The following CAMKK2 variants were observed in gnomAD, a reference collection of about 807,000 sequenced individuals.
CAMKK2 encodes the protein calcium/calmodulin-dependent protein kinase kinase 2.
In CAMKK2, 30 loss-of-function variants were observed where a neutral mutation model predicts 67.2. The ratio of observed to expected loss-of-function variants is 0.45; its 90% confidence interval spans 0.33 to 0.61. The LOEUF (loss-of-function observed/expected upper bound fraction) is 0.61, where lower values mean the gene tolerates loss of function less well. Among genes scored for constraint, CAMKK2 ranks in the 20% least tolerant of loss-of-function variants. The pLI is 0.02. For missense variants in CAMKK2, 643 were observed against 802.0 expected, an observed-to-expected ratio of 0.80 and a Z score of 2.39; for synonymous variants, 322 against 326.2, an observed-to-expected ratio of 0.99 and a Z score of 0.14.
intron 13 of CAMKK2, 50 bp downstream of exon 13, chr12:121,249,737 G>T (rs1232427843): frequency 2.0e-6 from 3 of 1,503,472 alleles, no homozygotes; most frequent in African/African-American, 2.8e-5. Context: ...GCTGAGGCAT[G>T]GCTGAGCCAA....
At chr12:121,254,781 C>T (rs904468359) in intron 9 of CAMKK2, among the ~76,000 whole-genome samples, 1 of 152,182 alleles carries the variant, frequency 6.6e-6, no homozygotes, top group African/African-American at 2.4e-5. Context: ...TAGGGTGGCT[C>T]TCTGCAGCTG....
Position 121,274,332 on chromosome 12 carries a change from G to T in CAMKK2, c.195C>A (p.Asp65Glu), listed in dbSNP as rs201270246. ...VTECEPGCAV[D>E]LGLARDRPLE... ...GGGGCCGGTCCCGCGCCAAGCCGAG[G>T]TCCACAGCACAGCCCGGCTCACACT... is the stretch of plus-strand genomic sequence containing the variant. Residue 65 changes from aspartate (D) to glutamate (E), a missense_variant, in exon 2 of 17, where the codon GAC (aspartate) becomes GAA (glutamate). This residue lies in a region of CAMKK2 where 483 missense variants were observed against 625.8 expected (regional missense o/e 0.77). Coordinates refer to ENST00000404169, the MANE Select transcript of CAMKK2 (RefSeq NM_001270485.2). The T allele has an allele frequency of 2.5e-6, 4 of 1,613,470 alleles. No individual in the cohort carries two copies. Among genetic ancestry groups the T allele is most frequent in the Non-Finnish European group, 3.4e-6 (4 of 1,179,878 alleles).
At chr12:121,290,495 C>T (rs1738518109) in intron 1 of CAMKK2, among the ~76,000 whole-genome samples, 1 of 152,044 alleles carries the variant, frequency 6.6e-6, no homozygotes. Flanking sequence ...TCAGACTAGC[C>T]TGGGCAACAA....
chr12:121,277,017 G>A lies in CAMKK2; in HGVS notation c.-59-2432C>T, dbSNP rs192248259. On this transcript the variant is annotated intron_variant, in intron 1 of 16. Transcript: ENST00000404169. ...TGGGAGGTAGTGGGGTAAAAGAGAG[G>A]AAGGTACAGACAGCGGAAAGCCAGA... Among the ~76,000 whole-genome samples the A allele has an allele frequency of 9.9e-5, 15 of 152,180 alleles. No individual in the cohort carries two copies. The East Asian group carries it at 2.9e-3, about 29-fold the overall frequency.
Position 121,264,786 on chromosome 12 carries a change from A to C in CAMKK2, c.626-847T>G, listed in dbSNP as rs991792906. 1.5e-5 allele frequency among the ~76,000 whole-genome samples: 2 copies of C among 136,162 alleles called. 1 individual carries two copies. Among genetic ancestry groups the C allele is most frequent in the Non-Finnish European group, 3.3e-5 (2 of 60,466 alleles). The allele number at this position is 136,162 out of a possible 152,430, so 89.3% of individuals were successfully genotyped here. A position where few individuals can be genotyped will look rare whatever the true frequency, so the allele number is the denominator to read the frequency against. ...AAGACTCAGTCTCAAAAATAATAAT[A>C]ATAATAATAATAATAATAATAATAA... On this transcript the variant is annotated intron_variant, in intron 5 of 16. Transcript: ENST00000404169.
At chr12:121,256,864 G>A (rs1006714185) in intron 7 of CAMKK2, among the ~76,000 whole-genome samples, 9 of 152,156 alleles carry the variant, frequency 5.9e-5, no homozygotes, top group Non-Finnish European at 1.2e-4. Flanking sequence ...TGCAATGAAC[G>A]TTCGTGTACA....
intron 5 of CAMKK2, among the ~76,000 whole-genome samples, chr12:121,266,168 A>C (rs1331880032): frequency 6.6e-6 from 1 of 152,196 alleles, no homozygotes; most frequent in Non-Finnish European, 1.5e-5. Context: ...CCTGGGCTCA[A>C]GTGATTTGCC....
chr12:121,284,232 G>A (rs1898307042), intron 1 of CAMKK2, among the ~76,000 whole-genome samples: 1 of 152,274 alleles, frequency 6.6e-6, no homozygotes, highest in Admixed American at 6.5e-5. Context: ...TGAAGGTTCA[G>A]AAGGATTTAC....
At position 121,269,580 on chromosome 12, in the gene CAMKK2, C is replaced by A. The variant is rs768480475; in HGVS notation, c.521G>T (p.Gly174Val). 2 of 1,605,898 alleles carry A rather than the reference C, an allele frequency of 1.2e-6. No homozygotes were observed. The highest frequency in any genetic ancestry group is 1.7e-5 in the Admixed American group (1 of 59,026). Residue 174 changes from glycine to valine, a missense_variant and splice_region_variant, in exon 4 of 17, where the codon GGC becomes GTC. Gly to Val is a moderately radical substitution (Grantham distance 109). This residue lies in a region of CAMKK2 where 483 missense variants were observed against 625.8 expected (regional missense o/e 0.77). Transcript: ENST00000404169. ...QYTLKDEIGK[G>V]SYGVVKLAYN... ...GGCCAACTTGACGACACCATAGGAGCCCTGGATAAAGGGAGATGCCCATGA... is the reference window on the plus strand; with the variant it reads ...GGCCAACTTGACGACACCATAGGAGACCTGGATAAAGGGAGATGCCCATGA...
At chr12:121,277,583 A>C (rs1897043224) in intron 1 of CAMKK2, among the ~76,000 whole-genome samples, 1 of 152,234 alleles carries the variant, frequency 6.6e-6, no homozygotes, top group South Asian at 2.1e-4. Flanking sequence ...ACTACAACAC[A>C]GACGAACCGT....
chr12:121,286,233 C>T (rs1219376092), intron 1 of CAMKK2, among the ~76,000 whole-genome samples: 1 of 152,248 alleles, frequency 6.6e-6, no homozygotes, highest in African/African-American at 2.4e-5. Flanking sequence ...TCATCCAGGC[C>T]AAACTGCCAG....
intron 1 of CAMKK2, among the ~76,000 whole-genome samples, chr12:121,281,367 C>T (rs1391015752): frequency 1.3e-5 from 2 of 152,224 alleles, no homozygotes; most frequent in Non-Finnish European, 2.9e-5. Flanking sequence ...CCGGGCACAA[C>T]AAAAAGGCCC....
chr12:121,263,828 G>A lies in CAMKK2; in HGVS notation c.737C>T (p.Pro246Leu). ...TACCTCCACCAGCTTCACCACATTGGGGTGGTCCAGCTTCTTGAGGATGGC... is the reference window on the plus strand; with the variant it reads ...TACCTCCACCAGCTTCACCACATTGAGGTGGTCCAGCTTCTTGAGGATGGC... ...EIAILKKLDH[P>L]NVVKLVEVLD... The change falls in exon 6 of 17, where the codon CCC (proline) becomes CTC (leucine). Residue 246 changes from proline (P) to leucine (L), a missense_variant. Physicochemically the swap from Pro to Leu is moderately conservative, Grantham distance 98. Coordinates refer to ENST00000404169, the MANE Select transcript of CAMKK2 (RefSeq NM_001270485.2). 6.2e-7 allele frequency: 1 copy of A among 1,611,830 alleles called. No homozygotes were observed. The highest frequency in any genetic ancestry group is 1.1e-5 in the South Asian group (1 of 90,874).
intron 11 of CAMKK2, among the ~76,000 whole-genome samples, chr12:121,250,713 G>C (rs1242558872): frequency 6.6e-6 from 1 of 152,200 alleles, no homozygotes; most frequent in Non-Finnish European, 1.5e-5. Flanking sequence ...TTAGCTCCAA[G>C]AAGGCAGGGA....
intron 1 of CAMKK2, among the ~76,000 whole-genome samples, chr12:121,276,360 C>A (rs576673154): frequency 5.3e-5 from 8 of 151,860 alleles, no homozygotes; most frequent in African/African-American, 1.9e-4. Flanking sequence ...CCCAGCTACT[C>A]GGGAGGCTGA....
At position 121,255,300 on chromosome 12, in the gene CAMKK2, A is replaced by ATAATTATAT. The variant is rs1566059212; in HGVS notation, c.907+249_907+250insATATAATTA. ...TAATTATATATATAATTATATATAT[A>ATAATTATAT]ATTTTATATATAATTTTATATATAT... On this transcript the variant is annotated intron_variant, in intron 9 of 16. Coordinates refer to ENST00000404169, the MANE Select transcript of CAMKK2 (RefSeq NM_001270485.2). Among the ~76,000 whole-genome samples the ATAATTATAT allele has an allele frequency of 5.7e-4, 18 of 31,578 alleles. 1 individual carries two copies. Among genetic ancestry groups the ATAATTATAT allele is most frequent in the East Asian group, 1.3e-3 (2 of 1,482 alleles). The allele number at this position is 31,578 out of a possible 152,430, so 20.7% of individuals were successfully genotyped here. A position where few individuals can be genotyped will look rare whatever the true frequency, so the allele number is the denominator to read the frequency against.
At chr12:121,279,075 A>G (rs1375901585) in intron 1 of CAMKK2, among the ~76,000 whole-genome samples, 1 of 152,142 alleles carries the variant, frequency 6.6e-6, no homozygotes, top group African/African-American at 2.4e-5. Flanking sequence ...CAGGAAAACA[A>G]TTGCTTATCG....
At chr12:121,250,118 T>C in intron 11 of CAMKK2, 84 bp from the exon 12 acceptor site, 1 of 1,016,694 alleles carries the variant, frequency 9.8e-7, no homozygotes, top group Admixed American at 2.0e-5. Flanking sequence ...CCACTCCACA[T>C]AGGATACAGC....
intron 6 of CAMKK2, among the ~76,000 whole-genome samples, chr12:121,262,196 T>C (rs61076800): frequency 0.012 from 1,847 of 152,272 alleles, 44 homozygotes; most frequent in African/African-American, 0.042. Context: ...GAAGCCACTC[T>C]TCTACTTTTT....
Sources: gnomAD v4.1 joint callset for allele counts (sites outside exome capture counted in the v4.1 genomes callset) on GRCh38, gnomAD v4.1.1 for gene constraint, gnomAD v4.1.1 regional missense constraint, MANE v1.5 for transcripts, NCBI Gene and HGNC (gene_info 2026-07-23, HGNC 2026-07-21) for gene names.